ANXA4: variants seen among roughly 807,000 people sequenced by gnomAD.
ANXA4 encodes annexin A4, also known as 35-beta calcimedin.
ANXA4 carries 39 observed loss-of-function variants against 49.8 expected under a neutral mutation model. That is an observed-to-expected ratio of 0.78 (90% CI 0.61 to 1.02). The LOEUF is 1.02. Among genes scored for constraint, ANXA4 ranks in the 50% least tolerant of loss-of-function variants. The pLI is 0.00. For missense variants in ANXA4, 360 were observed against 410.1 expected (o/e 0.88, Z 1.05); for synonymous variants, 134 against 152.5 (o/e 0.88, Z 0.89).
chr2:69,795,977 A>G (rs1461133810), intron 3 of ANXA4, among the ~76,000 whole-genome samples: 1 of 152,176 alleles, frequency 6.6e-6, no homozygotes, highest in Admixed American at 6.5e-5. Context: ...TGGCTCCAGT[A>G]TCCAGGAGGA....
intron 1 of ANXA4, among the ~76,000 whole-genome samples, chr2:69,752,314 C>A (rs1427492423): frequency 6.6e-6 from 1 of 152,198 alleles, no homozygotes; most frequent in Non-Finnish European, 1.5e-5. Flanking sequence ...ATGTAAGGAA[C>A]TGCTGGCCTG....
chr2:69,803,811 A>C (rs908249077), intron 3 of ANXA4, among the ~76,000 whole-genome samples: 2 of 152,092 alleles, frequency 1.3e-5, no homozygotes, highest in Non-Finnish European at 2.9e-5. Flanking sequence ...TATGGAAGAG[A>C]GAGAGAGGAG....
At chr2:69,722,075 A>G (rs1158876088) in intron 3 of ANXA4, among the ~76,000 whole-genome samples, 1 of 152,220 alleles carries the variant, frequency 6.6e-6, no homozygotes, top group African/African-American at 2.4e-5. Flanking sequence ...AAAAATGACC[A>G]GTGTTTTATA....
chr2:69,673,163 C>T lies in ANXA4; in HGVS notation n.766+19881C>T, dbSNP rs531751207. Among the ~76,000 whole-genome samples, 482 of 152,154 alleles carry T rather than the reference C, an allele frequency of 3.2e-3. 1 individual carries two copies. Among genetic ancestry groups the T allele is most frequent in the Middle Eastern group, 6.8e-3 (2 of 294 alleles). Reference sequence around the variant, plus strand: ...CATTTGACCCAGCAATCCCATATACCCGAAGGATTATAAATCATTCTACTA... The same window carrying T: ...CATTTGACCCAGCAATCCCATATACTCGAAGGATTATAAATCATTCTACTA... On this transcript the variant is annotated intron_variant and non_coding_transcript_variant, in intron 2 of 3. Coordinates refer to the ANXA4 transcript ENST00000418066.
chr2:69,690,153 A>G (rs1677913127), intron 2 of ANXA4, among the ~76,000 whole-genome samples: 1 of 152,222 alleles, frequency 6.6e-6, no homozygotes, highest in East Asian at 1.9e-4. Flanking sequence ...TTAAAATTTA[A>G]GGAAATTTTA....
At chr2:69,781,459 G>A (rs1672194840) in intron 1 of ANXA4, 61 bp from the exon 2 acceptor site, 1 of 1,397,868 alleles carries the variant, frequency 7.2e-7, no homozygotes, top group Middle Eastern at 1.8e-4. Flanking sequence ...AAGTTATCCT[G>A]ATTAATGATT....
At chr2:69,824,062 G>A (rs557408698) in intron 12 of ANXA4, among the ~76,000 whole-genome samples, 30 of 152,074 alleles carry the variant, frequency 2.0e-4, no homozygotes, top group Middle Eastern at 3.4e-3. Flanking sequence ...CTGGGTGATA[G>A]AGCAAGACCC....
At chr2:69,669,223 G>A (rs753856595) in intron 2 of ANXA4, among the ~76,000 whole-genome samples, 2 of 151,506 alleles carry the variant, frequency 1.3e-5, no homozygotes, top group Non-Finnish European at 2.9e-5. Context: ...GGGATTACAG[G>A]CCTAAGCCAC....
At chr2:69,763,685 T>TA (rs1671385844) in intron 1 of ANXA4, among the ~76,000 whole-genome samples, 1 of 149,438 alleles carries the variant, frequency 6.7e-6, no homozygotes, top group South Asian at 2.1e-4. Context: ...TTTTTTGAGA[T>TA]AGAGTCTCGC....
chr2:69,794,507 A>ATGTTATG (rs1558506501), intron 3 of ANXA4, among the ~76,000 whole-genome samples: 43 of 79,994 alleles, frequency 5.4e-4, no homozygotes, highest in East Asian at 1.2e-3. Flanking sequence ...GTTATGTTAT[A>ATGTTATG]TTATGTTATG....
chr2:69,740,647 CTTTTT>C (rs1160761189), upstream of ANXA4, among the ~76,000 whole-genome samples: 3 of 127,934 alleles, frequency 2.3e-5, no homozygotes, highest in Non-Finnish European at 3.3e-5. Context: ...GTTTTCTTTT[CTTTTT>C]TTCTTTCTTT....
At chr2:69,712,201 A>T (rs1678699094) in intron 2 of ANXA4, among the ~76,000 whole-genome samples, 1 of 151,968 alleles carries the variant, frequency 6.6e-6, no homozygotes, top group African/African-American at 2.4e-5. Context: ...CACCACATAC[A>T]CACAAACACA....
intron 1 of ANXA4, among the ~76,000 whole-genome samples, chr2:69,764,035 C>A (rs1338737057): frequency 6.6e-6 from 1 of 152,274 alleles, no homozygotes; most frequent in South Asian, 2.1e-4. Context: ...AAGATACCAT[C>A]GTTACTGGCC....
chr2:69,746,911 T>C (rs1670636871), intron 1 of ANXA4, among the ~76,000 whole-genome samples: 1 of 151,764 alleles, frequency 6.6e-6, no homozygotes, highest in Non-Finnish European at 1.5e-5. Context: ...AGTGGGAGGA[T>C]CACTGGAGCC....
intron 2 of ANXA4, among the ~76,000 whole-genome samples, chr2:69,663,699 C>G (rs182275967): frequency 1.5e-4 from 23 of 152,060 alleles, no homozygotes; most frequent in East Asian, 1.9e-4. Flanking sequence ...AAAATGAACA[C>G]TCAGAGAACC....
At chr2:69,680,866 G>A (rs1337997664) in intron 2 of ANXA4, among the ~76,000 whole-genome samples, 1 of 152,020 alleles carries the variant, frequency 6.6e-6, no homozygotes, top group Non-Finnish European at 1.5e-5. Context: ...CTTAATAATG[G>A]TGTATTACCT....
intron 2 of ANXA4, among the ~76,000 whole-genome samples, chr2:69,671,471 C>G (rs886268863): frequency 6.6e-6 from 1 of 152,196 alleles, no homozygotes; most frequent in Non-Finnish European, 1.5e-5. Flanking sequence ...AATCCCAGCA[C>G]TTTGGGAGGC....
In ANXA4 at chr2:69,806,385, G is replaced by T; in HGVS notation, c.193G>T (p.Asp65Tyr). Residue 65 changes from aspartate (D) to tyrosine (Y), a missense_variant and splice_region_variant, in exon 5 of 13, where the codon GAC (aspartate) becomes TAC (tyrosine). Transcript: ENST00000394295. ...RTAYKSTIGR[D>Y]LIDDLKSELS... ...GCGGAGCTACTTTCTTGCATTGCAG[G>T]ACTTGATAGACGACCTGAAGTCAGA... 6.2e-7 allele frequency: 1 copy of T among 1,612,620 alleles called. No homozygotes were observed. The highest frequency in any genetic ancestry group is 1.1e-5 in the South Asian group (1 of 91,048).
upstream of ANXA4, among the ~76,000 whole-genome samples, chr2:69,740,680 C>CTTTTTTTTT (rs3077548): frequency 5.3e-4 from 40 of 75,756 alleles, no homozygotes; most frequent in Admixed American, 1.6e-3. Context: ...CTTTCTTCCT[C>CTTTTTTTTT]TTTTTTTTTT....
Sources: gnomAD v4.1 joint callset for allele counts (sites outside exome capture counted in the v4.1 genomes callset) on GRCh38, gnomAD v4.1.1 for gene constraint, MANE v1.5 for transcripts, NCBI Gene and HGNC (gene_info 2026-07-23, HGNC 2026-07-21) for gene names.